The following GPD2 variants were observed in gnomAD, a reference collection of about 807,000 sequenced individuals.
GPD2 encodes the protein glycerol-3-phosphate dehydrogenase, mitochondrial.
GPD2 carries 54 observed loss-of-function variants against 82.4 expected under a neutral mutation model. The ratio of observed to expected loss-of-function variants is 0.66; its 90% CI spans 0.53 to 0.82. The LOEUF (loss-of-function observed/expected upper bound fraction) is 0.82. Ranked by LOEUF, GPD2 falls within the 40% of genes least tolerant of loss-of-function variation. The pLI is 0.00. For synonymous variants in GPD2, 288 were observed against 306.1 expected, an observed-to-expected ratio of 0.94 and a Z score of 0.62; for missense variants, 748 against 896.2, an observed-to-expected ratio of 0.83 and a Z score of 2.11.
At chr2:156,581,707 C>T (rs1410156617) in intron 16 of GPD2, among the ~76,000 whole-genome samples, 2 of 151,974 alleles carry the variant, frequency 1.3e-5, no homozygotes, top group African/African-American at 4.8e-5. Flanking sequence ...GGTTATATGA[C>T]TTTATTTCTA....
chr2:156,562,475 T>A (rs900795342), intron 9 of GPD2, among the ~76,000 whole-genome samples: 1 of 152,178 alleles, frequency 6.6e-6, no homozygotes, highest in Non-Finnish European at 1.5e-5. Context: ...AGGTTAAACA[T>A]GCTGGTAGAG....
rs553348382 is a variant in GPD2, at chr2:156,450,734, G to T, written c.-9+14221G>T. On this transcript the variant is annotated intron_variant, in intron 1 of 16. Coordinates refer to ENST00000438166, the MANE Select transcript of GPD2 (RefSeq NM_000408.5). ...AGAGGGGGATTTGGCAGGGTCACAG[G>T]ACAATAGTGGAGGGAAGGTCAGCAG... Among the ~76,000 whole-genome samples, 486 of 88,004 alleles carry T rather than the reference G, an allele frequency of 5.5e-3. 5 individuals carry two copies. Among genetic ancestry groups the T allele is most frequent in the African/African-American group, 0.019 (463 of 24,614 alleles). The allele number at this position is 88,004 out of a possible 152,430, so 57.7% of individuals were successfully genotyped here. A position where few individuals can be genotyped will look rare whatever the true frequency, so the allele number is the denominator to read the frequency against.
chr2:156,547,852 A>G (rs996045862), intron 6 of GPD2, among the ~76,000 whole-genome samples: 21 of 152,256 alleles, frequency 1.4e-4, no homozygotes, highest in Admixed American at 4.6e-4. Flanking sequence ...CTATCATTTC[A>G]TAAATGGAAT....
chr2:156,530,263 T>C (rs1685796392), intron 6 of GPD2, among the ~76,000 whole-genome samples: 1 of 78,648 alleles, frequency 1.3e-5, no homozygotes, highest in Non-Finnish European at 2.9e-5. Context: ...TGTATAAGAA[T>C]GCTTGTGATT....
chr2:156,441,356 A>G (rs997966629), intron 1 of GPD2, among the ~76,000 whole-genome samples: 1 of 152,186 alleles, frequency 6.6e-6, no homozygotes, highest in Non-Finnish European at 1.5e-5. Context: ...GTTTGAGATC[A>G]GCCTGGGCCA....
the GPD2 span, among the ~76,000 whole-genome samples, chr2:156,415,213 C>G: frequency 7.2e-6 from 1 of 138,736 alleles, no homozygotes; most frequent in Admixed American, 8.2e-5. Context: ...GGCTGGAGTG[C>G]AGTGGCGCGA....
intron 1 of GPD2, among the ~76,000 whole-genome samples, chr2:156,466,584 T>A (rs1312840962): frequency 1.3e-5 from 2 of 152,204 alleles, no homozygotes; most frequent in Non-Finnish European, 2.9e-5. Flanking sequence ...AAATAATGCA[T>A]CACTACTAGA....
Position 156,570,097 on chromosome 2 carries a change from A to G in GPD2, c.1487A>G (p.His496Arg). The change falls in exon 12 of 17, where the codon CAT becomes CGT. Residue 496 changes from histidine to arginine, a missense_variant. Physicochemically the swap from His to Arg is conservative, Grantham distance 29 (BLOSUM62 0). Coordinates refer to ENST00000438166, the MANE Select transcript of GPD2 (RefSeq NM_000408.5). ...GCTTTATTTCTCTAGGTGGCACAGC[A>G]TCTTGCCGCCACCTATGGTGATAAG... ...DYGLESEVAQ[H>R]LAATYGDKAF... The G allele has an allele frequency of 5.0e-6, 8 of 1,611,472 alleles. No homozygotes were observed. The highest frequency in any genetic ancestry group is 6.8e-6 in the Non-Finnish European group (8 of 1,179,090).
At chr2:156,508,726 A>G (rs1320834631) in intron 3 of GPD2, among the ~76,000 whole-genome samples, 1 of 152,252 alleles carries the variant, frequency 6.6e-6, no homozygotes, top group Non-Finnish European at 1.5e-5. Flanking sequence ...CTTCAGCTGA[A>G]GAAAAAATGG....
Position 156,559,425 on chromosome 2 carries a change from A to T in GPD2, c.1165+1843A>T, listed in dbSNP as rs542324637. Reference sequence around the variant, plus strand: ...GATTAAAAATAATCTTCATATATTTATATCAGAAATCTTATAATGTTGATG... The same window carrying T: ...GATTAAAAATAATCTTCATATATTTTTATCAGAAATCTTATAATGTTGATG... On this transcript the variant is annotated intron_variant, in intron 9 of 16. Coordinates refer to ENST00000438166, the MANE Select transcript of GPD2 (RefSeq NM_000408.5). 3.3e-5 allele frequency among the ~76,000 whole-genome samples: 5 copies of T among 152,328 alleles called. No homozygotes were observed. In the East Asian group the frequency reaches 9.6e-4, roughly 29 times the overall value.
rs1688150691 is a variant in GPD2, at chr2:156,584,626, CA to C, written c.*1709del. 6.6e-6 allele frequency: 1 copy of C among 152,460 alleles called. No individual in the cohort carries two copies. The highest frequency in any genetic ancestry group is 1.5e-5 in the Non-Finnish European group (1 of 67,950). The allele number at this position is 152,460 out of a possible 1,614,324, so 9.4% of individuals were successfully genotyped here. On this transcript the variant is annotated 3_prime_UTR_variant, in exon 17 of 17. Coordinates refer to ENST00000438166, the MANE Select transcript of GPD2 (RefSeq NM_000408.5). ...CCACTTCCTAAGGGAAATCCTAAAACAGAGCAAGTGATGCTCCCAGGTATCA... is the reference window on the plus strand; with the variant it reads ...CCACTTCCTAAGGGAAATCCTAAAACGAGCAAGTGATGCTCCCAGGTATCA...
At chr2:156,439,540 C>A (rs4031749) in intron 1 of GPD2, among the ~76,000 whole-genome samples, 61,403 of 71,034 alleles carry the variant, frequency 0.86, 26,497 homozygotes, top group South Asian at 0.93. Flanking sequence ...AAAAAAAAAA[C>A]AAAAAAAAAA....
the GPD2 span, among the ~76,000 whole-genome samples, chr2:156,413,899 T>C: frequency 2.6e-5 from 4 of 152,246 alleles, no homozygotes; most frequent in Non-Finnish European, 5.9e-5. Context: ...AGCAAAACTC[T>C]GTCTCAAATA....
intron 1 of GPD2, among the ~76,000 whole-genome samples, chr2:156,444,574 G>A (rs547248118): frequency 1.5e-4 from 23 of 152,156 alleles, no homozygotes; most frequent in African/African-American, 3.1e-4. Context: ...TAAGCTAGGC[G>A]TGGTGGTGGG....
intron 6 of GPD2, among the ~76,000 whole-genome samples, chr2:156,541,247 A>C (rs1553475163): frequency 3.9e-5 from 6 of 152,234 alleles, no homozygotes; most frequent in East Asian, 1.9e-4. Flanking sequence ...AGCTTTGTAA[A>C]TCTTTCTTTA....
intron 12 of GPD2, among the ~76,000 whole-genome samples, chr2:156,570,739 A>C (rs1687583765): frequency 6.6e-6 from 1 of 152,206 alleles, no homozygotes; most frequent in Non-Finnish European, 1.5e-5. Context: ...AAAACTATAC[A>C]GACTAAAGAG....
At chr2:156,537,595 T>C (rs1045962511) in intron 6 of GPD2, among the ~76,000 whole-genome samples, 14 of 152,344 alleles carry the variant, frequency 9.2e-5, no homozygotes, top group African/African-American at 3.1e-4. Context: ...AGGAAATGAT[T>C]AGAAGTATGA....
chr2:156,466,663 C>T (rs1255172406), intron 1 of GPD2, among the ~76,000 whole-genome samples: 1 of 152,124 alleles, frequency 6.6e-6, no homozygotes. Context: ...TTTTAGAGGA[C>T]TTTGTGAAAT....
chr2:156,535,291 AAG>A (rs1348121642), intron 6 of GPD2, among the ~76,000 whole-genome samples: 1 of 128,214 alleles, frequency 7.8e-6, no homozygotes, highest in Non-Finnish European at 1.7e-5. Flanking sequence ...GAGAGAGAGA[AAG>A]AGAGAGAAAG....
Sources: gnomAD v4.1 joint callset for allele counts (sites outside exome capture counted in the v4.1 genomes callset) on GRCh38, gnomAD v4.1.1 for gene constraint, MANE v1.5 for transcripts, NCBI Gene and HGNC (gene_info 2026-07-23, HGNC 2026-07-21) for gene names.